The following PCDHA5 variants were observed in gnomAD, a reference collection of about 807,000 sequenced individuals.
PCDHA5 encodes protocadherin alpha 5.
A neutral mutation model predicts 61.6 loss-of-function variants in PCDHA5; 43 were observed. The observed-to-expected ratio is 0.70, with a 90% confidence interval of 0.55 to 0.90. The LOEUF (loss-of-function observed/expected upper bound fraction) is 0.90. PCDHA5 is among the 40% of genes least tolerant of loss of function. The probability of loss-of-function intolerance (pLI) is 0.00; values close to 1 mark genes in which losing one functional copy is unlikely to be tolerated. For synonymous variants in PCDHA5, 627 were observed against 543.9 expected (o/e 1.15, Z -2.13); for missense variants, 1,298 against 1,222.7 (o/e 1.06, Z -0.92).
At chr5:140,850,820 C>T in intron 1 of PCDHA5, 6 of 1,598,226 alleles carry the variant, frequency 3.8e-6, no homozygotes, top group Non-Finnish European at 5.1e-6. Flanking sequence ...TCAGCCCGGG[C>T]CTTTCTCCTT....
In PCDHA5 at chr5:140,862,942, G is replaced by A. The variant is rs75462656; in HGVS notation, c.2352+38815G>A. 1.6e-3 allele frequency: 859 copies of A among 542,058 alleles called. 16 individuals carry two copies. In the East Asian group the frequency reaches 0.034, roughly 22 times the overall value. The allele number at this position is 542,058 out of a possible 1,614,324, so 33.6% of individuals were successfully genotyped here. ...GGTGGGCTGGCGGCGCTGTGAGTGA[G>A]CTGGTGCGGTATTCAGTGGATGCAG... On this transcript the variant is annotated intron_variant, in intron 1 of 3. Transcript: ENST00000529859.
intron 1 of PCDHA5, chr5:140,969,039 A>G: frequency 6.2e-7 from 1 of 1,614,130 alleles, no homozygotes; most frequent in Non-Finnish European, 8.5e-7. Context: ...GAACTGTACA[A>G]ACAAGCCAAC....
At chr5:140,876,459 C>T (rs2056359218) in intron 1 of PCDHA5, 1 of 1,613,878 alleles carries the variant, frequency 6.2e-7, no homozygotes, top group Non-Finnish European at 8.5e-7. Flanking sequence ...GGATTCCTTC[C>T]ATGGCAGGTC....
intron 1 of PCDHA5, among the ~76,000 whole-genome samples, chr5:140,941,368 G>A (rs2093051755): frequency 7.3e-6 from 1 of 136,646 alleles, no homozygotes; most frequent in Non-Finnish European, 1.5e-5. Context: ...CTAGGCTGGA[G>A]TGTAGTGACA....
intron 1 of PCDHA5, chr5:140,927,229 C>G (rs781833160): frequency 1.2e-6 from 2 of 1,614,008 alleles, no homozygotes; most frequent in African/African-American, 1.3e-5. Context: ...GATTCGGATT[C>G]ACGTCCTGGA....
At chr5:140,966,851 C>T (rs782524148) in intron 1 of PCDHA5, 15 of 1,573,232 alleles carry the variant, frequency 9.5e-6, no homozygotes, top group Middle Eastern at 1.7e-4. Context: ...ACTGCCTCTC[C>T]TGCTGCTGTT....
At chr5:140,941,214 C>CTTTCTTTCTTTCTTTTT (rs1554214039) in intron 1 of PCDHA5, among the ~76,000 whole-genome samples, 1 of 122,414 alleles carries the variant, frequency 8.2e-6, no homozygotes, top group East Asian at 2.3e-4. Context: ...TTTCTTTCTT[C>CTTTCTTTCTTTCTTTTT]CTTTCTTTCT....
chr5:140,850,009 C>T (rs2150463255), intron 1 of PCDHA5: 11 of 1,596,964 alleles, frequency 6.9e-6, no homozygotes, highest in Non-Finnish European at 9.4e-6. Flanking sequence ...CGCTCGCTGT[C>T]GAGCTACGTG....
chr5:141,009,557 C>T (rs782135260), intron 3 of PCDHA5, 70 bp from the exon 4 acceptor site: 38 of 1,565,272 alleles, frequency 2.4e-5, no homozygotes, highest in Non-Finnish European at 2.8e-5. Flanking sequence ...TACTCCTGTA[C>T]TCTACCAGCA....
At chr5:140,938,684 A>T (rs1554212293) in intron 1 of PCDHA5, among the ~76,000 whole-genome samples, 1 of 152,046 alleles carries the variant, frequency 6.6e-6, no homozygotes, top group African/African-American at 2.4e-5. Flanking sequence ...CATTTTCTTT[A>T]CAGTTTTTAA....
intron 1 of PCDHA5, chr5:140,967,023 G>C: frequency 6.2e-7 from 1 of 1,608,162 alleles, no homozygotes; most frequent in Non-Finnish European, 8.5e-7. Context: ...GGTGCGCCCA[G>C]TCCGCGCTAC....
chr5:140,857,035 G>A (rs1358871197), intron 1 of PCDHA5: 4 of 1,596,218 alleles, frequency 2.5e-6, no homozygotes, highest in Non-Finnish European at 3.4e-6. Context: ...ACCCACCTAT[G>A]GTTGGTCACT....
intron 1 of PCDHA5, chr5:140,884,290 A>G: frequency 6.2e-7 from 1 of 1,613,642 alleles, no homozygotes; most frequent in Non-Finnish European, 8.5e-7. Flanking sequence ...AGAGCGGCCA[A>G]GCGCCACAGG....
chr5:140,875,411 T>C, intron 1 of PCDHA5: 1 of 1,503,674 alleles, frequency 6.7e-7, no homozygotes, highest in Non-Finnish European at 8.9e-7. Context: ...GCTCATAAAA[T>C]ACCTCAGGCA....
At position 140,876,152 on chromosome 5, in the gene PCDHA5, A is replaced by G; in HGVS notation, c.2352+52025A>G. ...AAACCAGAACTAACAGGGTCTGTCC[A>G]GATTCAAATAACCGTCCTGGATGTG... is the stretch of plus-strand genomic sequence containing the variant. On this transcript the variant is annotated intron_variant, in intron 1 of 3. Transcript: ENST00000529859. 1 of 1,613,982 alleles carries G rather than the reference A, an allele frequency of 6.2e-7. No individual in the cohort carries two copies. The highest frequency in any genetic ancestry group is 1.3e-5 in the African/African-American group (1 of 75,068).
At position 140,849,851 on chromosome 5, in the gene PCDHA5, A is replaced by T. The variant is rs148732691; in HGVS notation, c.2352+25724A>T. On this transcript the variant is annotated intron_variant, in intron 1 of 3. Coordinates refer to ENST00000529859, the MANE Select transcript of PCDHA5 (RefSeq NM_018908.3). Reference sequence around the variant, plus strand: ...AGGTGGCCGACGTGAACGACAACGCACCAGCGTTCGCGCAGTCCGAGTACA... The same window carrying T: ...AGGTGGCCGACGTGAACGACAACGCTCCAGCGTTCGCGCAGTCCGAGTACA... The T allele has an allele frequency of 4.9e-4, 784 of 1,598,368 alleles. 43 individuals are homozygous for T. The African/African-American group carries it at 9.3e-3, about 19-fold the overall frequency.
chr5:141,003,452 C>G (rs1554259072), intron 3 of PCDHA5, among the ~76,000 whole-genome samples: 1 of 152,112 alleles, frequency 6.6e-6, no homozygotes, highest in Non-Finnish European at 1.5e-5. Flanking sequence ...GATGAAATTA[C>G]AGGCGTGCAC....
chr5:140,870,500 A>G, intron 1 of PCDHA5: 2 of 1,614,228 alleles, frequency 1.2e-6, no homozygotes, highest in East Asian at 2.2e-5. Flanking sequence ...GTGAAGGAGA[A>G]CAACCCACCA....
intron 1 of PCDHA5, chr5:140,877,428 G>A: frequency 6.2e-7 from 1 of 1,613,886 alleles, no homozygotes; most frequent in Non-Finnish European, 8.5e-7. Flanking sequence ...TGCTGGTGAA[G>A]GACCACGGTG....
Sources: allele counts gnomAD v4.1 joint callset (sites outside exome capture counted in the v4.1 genomes callset), GRCh38; gene constraint gnomAD v4.1.1; transcripts MANE v1.5; gene names NCBI Gene and HGNC (gene_info 2026-07-23, HGNC 2026-07-21).